HABP2: variants seen among roughly 807,000 people sequenced by gnomAD.
The protein encoded by HABP2 is factor VII-activating protease.
In HABP2, 65 loss-of-function variants were observed where a neutral mutation model predicts 66.5. That is an observed-to-expected ratio of 0.98 (90% CI 0.80 to 1.20). The LOEUF (loss-of-function observed/expected upper bound fraction) is 1.20, where lower values mean the gene tolerates loss of function less well. Among genes scored for constraint, HABP2 ranks in the 50% most tolerant of loss-of-function variants. HABP2 has a pLI of 0.00. For synonymous variants in HABP2, 263 were observed against 253.9 expected (o/e 1.04, Z -0.34); for missense variants, 786 against 691.0 (o/e 1.14, Z -1.54).
chr10:113,577,203 CAG>C lies in HABP2; in HGVS notation c.388_389del (p.Pro131SerfsTer8), dbSNP rs750149312. ...TGGCCGGGGCCAATGTCTCATTACCCAGAGTCCTCCCTACTACCGCTGTGTCT... is the reference window on the plus strand; with the variant it reads ...TGGCCGGGGCCAATGTCTCATTACCCAGTCCTCCCTACTACCGCTGTGTCT... ...PCGRGQCLIT[Q>X]SPPYYRCVCK... is the part of the protein sequence containing the mutation. On this transcript the variant is annotated frameshift_variant, in exon 5 of 13. Coordinates refer to ENST00000351270, the MANE Select transcript of HABP2 (RefSeq NM_004132.5). LOFTEE classifies it high-confidence loss of function. 6.2e-7 allele frequency: 1 copy of C among 1,613,426 alleles called. No individual in the cohort carries two copies. The highest frequency in any genetic ancestry group is 1.1e-5 in the South Asian group (1 of 91,070).
chr10:113,577,886 A>G, intron 5 of HABP2, 140 bp from the exon 6 acceptor site: 1 of 896,722 alleles, frequency 1.1e-6, no homozygotes, highest in South Asian at 1.6e-5. Context: ...GTGTCAGTGG[A>G]TCTGTCTTTC....
At position 113,589,528 on chromosome 10, in the gene HABP2, C is replaced by G; in HGVS notation, c.*1159C>G. 1.0e-6 allele frequency: 1 copy of G among 993,952 alleles called. No homozygotes were observed. The allele number at this position is 993,952 out of a possible 1,614,324, so 61.6% of individuals were successfully genotyped here. A position where few individuals can be genotyped will look rare whatever the true frequency, so the allele number is the denominator to read the frequency against. ...GTCATCTCAGACCCATGAAATTAGGCGCCTTGTTTGAGCTGCGTTTCACAC... is the reference window on the plus strand; with the variant it reads ...GTCATCTCAGACCCATGAAATTAGGGGCCTTGTTTGAGCTGCGTTTCACAC... On this transcript the variant is annotated 3_prime_UTR_variant, in exon 13 of 13. Transcript: ENST00000351270.
intron 1 of HABP2, among the ~76,000 whole-genome samples, chr10:113,555,330 C>T (rs552471743): frequency 6.6e-6 from 1 of 152,248 alleles, no homozygotes. Flanking sequence ...AGCCAGTCTC[C>T]TGTCTGGGGC....
intron 10 of HABP2, 99 bp from the exon 11 acceptor site, chr10:113,584,048 TG>T: frequency 1.1e-6 from 1 of 950,762 alleles, no homozygotes; most frequent in Non-Finnish European, 1.6e-6. Context: ...TGGGGGCAGG[TG>T]GGGCTTTGCT....
intron 1 of HABP2, among the ~76,000 whole-genome samples, chr10:113,563,075 C>T (rs1021621387): frequency 1.3e-5 from 2 of 152,180 alleles, no homozygotes; most frequent in African/African-American, 4.8e-5. Flanking sequence ...GTGCAACAAA[C>T]AAGACAAAAT....
At chr10:113,556,320 A>T (rs1179876752) in intron 1 of HABP2, among the ~76,000 whole-genome samples, 1 of 152,198 alleles carries the variant, frequency 6.6e-6, no homozygotes, top group East Asian at 1.9e-4. Context: ...CATTAAAGAT[A>T]CAGATTCCCA....
At position 113,589,171 on chromosome 10, in the gene HABP2, G is replaced by T. The variant is rs906240762; in HGVS notation, c.*802G>T. The T allele has an allele frequency of 7.3e-5, 75 of 1,025,414 alleles. 2 individuals are homozygous for T. In the Middle Eastern group the frequency reaches 9.0e-4, roughly 12 times the overall value. 63.5% of individuals were successfully genotyped at this position (1,025,414 alleles called of 1,614,324 possible). ...CCACAGGACACGCTAAGAAGCACAGGGAGCATTTAACAGGCTCACCCTCCC... is the reference window on the plus strand; with the variant it reads ...CCACAGGACACGCTAAGAAGCACAGTGAGCATTTAACAGGCTCACCCTCCC... On this transcript the variant is annotated 3_prime_UTR_variant, in exon 13 of 13. Transcript: ENST00000351270.
chr10:113,588,217 G>A lies in HABP2; in HGVS notation c.1531G>A (p.Gly511Ser). 1 of 1,603,108 alleles carries A rather than the reference G, an allele frequency of 6.2e-7. No homozygotes were observed. The highest frequency in any genetic ancestry group is 1.1e-5 in the South Asian group (1 of 88,852). The change falls in exon 13 of 13, where the codon GGC becomes AGC. Residue 511 changes from glycine to serine, a missense_variant. Coordinates refer to ENST00000351270, the MANE Select transcript of HABP2 (RefSeq NM_004132.5). ...CTGTTTCCCTTAGGGTGACTCTGGA[G>A]GCCCCCTGACCTGTGAGAAGGACGG... ...GQDTCQGDSGGPLTCEKDGTY... is the reference protein window; with the variant it reads ...GQDTCQGDSGSPLTCEKDGTY...
chr10:113,577,539 A>C (rs1396020872), intron 5 of HABP2, among the ~76,000 whole-genome samples: 1 of 152,214 alleles, frequency 6.6e-6, no homozygotes, highest in Non-Finnish European at 1.5e-5. Flanking sequence ...GGGACCAAGT[A>C]GGGGAATGAA....
intron 7 of HABP2, among the ~76,000 whole-genome samples, chr10:113,579,810 T>A (rs1343547008): frequency 1.3e-5 from 2 of 151,416 alleles, no homozygotes; most frequent in African/African-American, 4.9e-5. Context: ...TGAGATGGAG[T>A]CTCACTCTGT....
chr10:113,583,135 T>C, intron 9 of HABP2, 81 bp from the exon 10 acceptor site: 2 of 1,217,808 alleles, frequency 1.6e-6, no homozygotes, highest in Non-Finnish European at 2.4e-6. Context: ...GGAGGCTGAG[T>C]CTGCAGAAGG....
At chr10:113,573,271 A>G (rs761084543) in intron 2 of HABP2, among the ~76,000 whole-genome samples, 19 of 152,228 alleles carry the variant, frequency 1.2e-4, no homozygotes, top group Non-Finnish European at 2.4e-4. Flanking sequence ...GAGAGCAAAG[A>G]GCTTGAGTCC....
chr10:113,565,493 A>T (rs1025321431), intron 1 of HABP2, among the ~76,000 whole-genome samples: 2 of 152,178 alleles, frequency 1.3e-5, no homozygotes, highest in Admixed American at 1.3e-4. Flanking sequence ...AGAGGGAGGG[A>T]TGGAAGTGCC....
chr10:113,562,020 A>C lies in HABP2; in HGVS notation c.70-5469A>C, dbSNP rs564365670. 1.2e-3 allele frequency among the ~76,000 whole-genome samples: 188 copies of C among 152,208 alleles called. 1 individual carries two copies. The highest frequency in any genetic ancestry group is 4.2e-3 in the African/African-American group (173 of 41,516). On this transcript the variant is annotated intron_variant, in intron 1 of 12. Transcript: ENST00000351270. ...ACTTTGAGACTCTGGTGGCTTAGGG[A>C]GTTTAACATTGCTAAGGGCCTGCTC... is the stretch of plus-strand genomic sequence containing the variant.
intron 2 of HABP2, among the ~76,000 whole-genome samples, chr10:113,570,732 T>C (rs574804734): frequency 2.6e-5 from 4 of 152,150 alleles, no homozygotes; most frequent in Non-Finnish European, 5.9e-5. Context: ...GCAGACACCA[T>C]TTTTTTAGCC....
chr10:113,581,216 T>C (rs1355133358), intron 8 of HABP2, among the ~76,000 whole-genome samples: 1 of 152,232 alleles, frequency 6.6e-6, no homozygotes, highest in Non-Finnish European at 1.5e-5. Context: ...GTCTATAACA[T>C]ACCATCCCAT....
chr10:113,555,279 G>A (rs765841058), intron 1 of HABP2, among the ~76,000 whole-genome samples: 15 of 152,238 alleles, frequency 9.9e-5, no homozygotes, highest in South Asian at 4.1e-4. Context: ...CAGCTGATGA[G>A]TGGCAGAGCT....
In HABP2 at chr10:113,578,115, G is replaced by T. The variant is rs754504728; in HGVS notation, c.538G>T (p.Asp180Tyr). The T allele has an allele frequency of 1.2e-6, 2 of 1,614,080 alleles. No individual in the cohort carries two copies. The highest frequency in any genetic ancestry group is 2.2e-5 in the South Asian group (2 of 91,076). ...RRSKFTCACP[D>Y]QFKGKFCEIG... ...ATCCAAGTTCACCTGTGCCTGTCCC[G>T]ACCAGTTCAAGGGGAAATTCTGTGA... Residue 180 changes from aspartate to tyrosine, a missense_variant, in exon 6 of 13, where the codon GAC becomes TAC. By Grantham distance (160) the Asp-to-Tyr change is radical. Transcript: ENST00000351270.
At chr10:113,566,111 C>A (rs1269152536) in intron 1 of HABP2, among the ~76,000 whole-genome samples, 2 of 152,134 alleles carry the variant, frequency 1.3e-5, no homozygotes, top group Non-Finnish European at 2.9e-5. Context: ...GCAAATATAC[C>A]AAACTGCCTA....
Sources: allele counts gnomAD v4.1 joint callset (sites outside exome capture counted in the v4.1 genomes callset), GRCh38; gene constraint gnomAD v4.1.1; transcripts MANE v1.5; gene names NCBI Gene and HGNC (gene_info 2026-07-23, HGNC 2026-07-21).